PLEKHA5: variants seen among roughly 807,000 people sequenced by gnomAD.
The protein encoded by PLEKHA5 is pleckstrin homology domain containing A5, also known as pleckstrin homology domain-containing family A member 5.
Under a neutral mutation model 181.9 loss-of-function variants are expected in PLEKHA5, and 55 were observed. That is an observed-to-expected ratio of 0.30 (90% CI 0.24 to 0.38). PLEKHA5 has a LOEUF of 0.38. PLEKHA5 is among the 10% of genes least tolerant of loss of function. The pLI, the probability that PLEKHA5 is intolerant of heterozygous loss-of-function variation, is 1.00. For synonymous variants in PLEKHA5, 535 were observed against 529.4 expected (o/e 1.01, Z -0.15); for missense variants, 1,432 against 1,549.5 (o/e 0.92, Z 1.27).
At chr12:19,287,598 T>C (rs749967179) in intron 13 of PLEKHA5, 42 bp downstream of exon 13, 1 of 1,091,250 alleles carries the variant, frequency 9.2e-7, no homozygotes, top group East Asian at 2.3e-5. Context: ...TTTATTTATG[T>C]GCTGCACAGG....
At chr12:19,156,643 A>T (rs913725428) in intron 3 of PLEKHA5, among the ~76,000 whole-genome samples, 2 of 152,048 alleles carry the variant, frequency 1.3e-5, no homozygotes, top group Admixed American at 1.3e-4. Flanking sequence ...ATGAACTCTG[A>T]TAAGAGATTA....
intron 20 of PLEKHA5, among the ~76,000 whole-genome samples, chr12:19,330,127 C>G (rs1168063025): frequency 6.6e-6 from 1 of 152,156 alleles, no homozygotes; most frequent in Non-Finnish European, 1.5e-5. Context: ...TTTAAATCTT[C>G]CCCTGTGTGC....
chr12:19,171,742 C>T (rs2045940778), intron 3 of PLEKHA5, among the ~76,000 whole-genome samples: 2 of 152,206 alleles, frequency 1.3e-5, no homozygotes, highest in African/African-American at 4.8e-5. Flanking sequence ...AAACACGTTG[C>T]ACAACTACAC....
At chr12:19,291,592 G>T in intron 14 of PLEKHA5, 52 bp from the exon 15 acceptor site, 1 of 1,103,136 alleles carries the variant, frequency 9.1e-7, no homozygotes, top group Middle Eastern at 2.0e-4. Flanking sequence ...ACCTTTTCTT[G>T]AATTCCACAT....
chr12:19,304,154 G>T (rs1204651407), intron 15 of PLEKHA5, among the ~76,000 whole-genome samples: 2 of 148,846 alleles, frequency 1.3e-5, no homozygotes, highest in African/African-American at 4.9e-5. Flanking sequence ...AGGCACGGTG[G>T]CTCACGCCTG....
chr12:19,196,046 C>T (rs1377833902), intron 3 of PLEKHA5, among the ~76,000 whole-genome samples: 1 of 152,074 alleles, frequency 6.6e-6, no homozygotes, highest in Non-Finnish European at 1.5e-5. Context: ...TTTCAATTTT[C>T]AAAAAGCAAT....
At chr12:19,360,165 A>G (rs897922602) in intron 28 of PLEKHA5, among the ~76,000 whole-genome samples, 1 of 151,818 alleles carries the variant, frequency 6.6e-6, no homozygotes, top group African/African-American at 2.4e-5. Flanking sequence ...AACCCTGCCA[A>G]TACTGAATAC....
intron 15 of PLEKHA5, among the ~76,000 whole-genome samples, 164 bp downstream of exon 15, chr12:19,291,861 A>G (rs1257133337): frequency 6.6e-6 from 1 of 152,246 alleles, no homozygotes; most frequent in African/African-American, 2.4e-5. Flanking sequence ...CAGGAATTCC[A>G]TAATAAACAG....
At chr12:19,318,805 C>T (rs1414583171) in intron 16 of PLEKHA5, among the ~76,000 whole-genome samples, 3 of 152,110 alleles carry the variant, frequency 2.0e-5, no homozygotes, top group African/African-American at 7.2e-5. Context: ...CGTATAATCC[C>T]AGCTACTCTG....
intron 3 of PLEKHA5, among the ~76,000 whole-genome samples, chr12:19,145,829 G>C (rs1322769490): frequency 6.6e-6 from 1 of 152,144 alleles, no homozygotes; most frequent in Non-Finnish European, 1.5e-5. Flanking sequence ...ATTCGTAGTT[G>C]AGCTTTGGTA....
intron 3 of PLEKHA5, among the ~76,000 whole-genome samples, chr12:19,252,810 C>A (rs1376968273): frequency 1.3e-5 from 2 of 151,922 alleles, no homozygotes; most frequent in East Asian, 3.9e-4. Flanking sequence ...AACAGAAACA[C>A]TGTAAATTAT....
At chr12:19,256,747 ATTGTTTTCATCT>A (rs2066989919) in intron 5 of PLEKHA5, among the ~76,000 whole-genome samples, 1 of 152,180 alleles carries the variant, frequency 6.6e-6, no homozygotes, top group Non-Finnish European at 1.5e-5. Flanking sequence ...TTATAGCTTC[ATTGTTTTCATCT>A]TTGTTGGTCA....
rs2035708926 is a variant in PLEKHA5, at chr12:19,136,526, A to G, written c.227+4076A>G. Among the ~76,000 whole-genome samples, 3 of 152,294 alleles carry G rather than the reference A, an allele frequency of 2.0e-5. 1 individual carries two copies. The South Asian group carries it at 6.2e-4, about 32-fold the overall frequency. ...AGCTTTCTGCTTGCTCCTTGAAAAT[A>G]TTGCTTAATGATTCTGTAATGACAG... On this transcript the variant is annotated intron_variant, in intron 3 of 31. Transcript: ENST00000429027.
At position 19,349,479 on chromosome 12, in the gene PLEKHA5, C is replaced by T. The variant is rs147998380; in HGVS notation, c.3019+960C>T. Among the ~76,000 whole-genome samples, 239 of 152,184 alleles carry T rather than the reference C, an allele frequency of 1.6e-3. 2 individuals are homozygous for T. Among genetic ancestry groups the T allele is most frequent in the Admixed American group, 3.9e-3 (59 of 15,270 alleles). On this transcript the variant is annotated intron_variant, in intron 25 of 31. Coordinates refer to ENST00000429027, the MANE Select transcript of PLEKHA5 (RefSeq NM_001256470.2). Reference sequence around the variant, plus strand: ...GGTATTAATGGCTGAAACAAATTTTCACACAATATCAACAAAGTAAATTCT... The same window carrying T: ...GGTATTAATGGCTGAAACAAATTTTTACACAATATCAACAAAGTAAATTCT...
At chr12:19,255,651 A>G (rs1263050292) in intron 5 of PLEKHA5, among the ~76,000 whole-genome samples, 1 of 151,838 alleles carries the variant, frequency 6.6e-6, no homozygotes, top group African/African-American at 2.4e-5. Context: ...CAAGTAATAT[A>G]AATAATTTCT....
At chr12:19,142,423 G>A (rs896177246) in intron 3 of PLEKHA5, among the ~76,000 whole-genome samples, 1 of 151,816 alleles carries the variant, frequency 6.6e-6, no homozygotes, top group Non-Finnish European at 1.5e-5. Flanking sequence ...CAGTAAAATA[G>A]GACATGATGA....
At chr12:19,340,401 T>G (rs2093776637) in intron 21 of PLEKHA5, among the ~76,000 whole-genome samples, 1 of 138,778 alleles carries the variant, frequency 7.2e-6, no homozygotes, top group Non-Finnish European at 1.6e-5. Flanking sequence ...AGCCGCCCCG[T>G]CCGGGAGGTG....
At chr12:19,140,175 G>T (rs188409229) in intron 3 of PLEKHA5, among the ~76,000 whole-genome samples, 115 of 152,224 alleles carry the variant, frequency 7.6e-4, no homozygotes, top group African/African-American at 2.2e-3. Context: ...GGATGATGGG[G>T]GAGAGAATGT....
At chr12:19,290,244 ATTATTTTAT>A (rs1457542957) in intron 13 of PLEKHA5, among the ~76,000 whole-genome samples, 1 of 152,092 alleles carries the variant, frequency 6.6e-6, no homozygotes, top group Non-Finnish European at 1.5e-5. Context: ...ATTTATTTTA[ATTATTTTAT>A]GTAGTTCTGT....
Sources: allele counts gnomAD v4.1 joint callset (sites outside exome capture counted in the v4.1 genomes callset), GRCh38; gene constraint gnomAD v4.1.1; transcripts MANE v1.5; gene names NCBI Gene and HGNC (gene_info 2026-07-23, HGNC 2026-07-21).